The following KIAA0825 variants were observed in gnomAD, a reference collection of about 807,000 sequenced individuals.
KIAA0825 encodes the protein KIAA0825.
A neutral mutation model predicts 147.6 loss-of-function variants in KIAA0825; 119 were observed. The ratio of observed to expected loss-of-function variants is 0.81; its 90% CI spans 0.69 to 0.94. The LOEUF is 0.94. KIAA0825 is among the 40% of genes least tolerant of loss of function. The pLI is 0.00. For synonymous variants in KIAA0825, 470 were observed against 518.1 expected (o/e 0.91, Z 1.26); for missense variants, 1,381 against 1,472.7 (o/e 0.94, Z 1.02).
At chr5:94,264,443 C>T (rs1263459581) in intron 20 of KIAA0825, among the ~76,000 whole-genome samples, 1 of 152,108 alleles carries the variant, frequency 6.6e-6, no homozygotes, top group Non-Finnish European at 1.5e-5. Context: ...TTTTCTGCAT[C>T]GAAGTTAACT....
chr5:94,371,615 A>G (rs1746721018), intron 20 of KIAA0825, among the ~76,000 whole-genome samples: 1 of 152,160 alleles, frequency 6.6e-6, no homozygotes, highest in South Asian at 2.1e-4. Context: ...CTAGAACAGT[A>G]TGGGGGAAAC....
chr5:94,272,483 C>T (rs924549613), intron 20 of KIAA0825, among the ~76,000 whole-genome samples: 1 of 151,968 alleles, frequency 6.6e-6, no homozygotes, highest in African/African-American at 2.4e-5. Flanking sequence ...CTACTATGTA[C>T]CCACAAAAAT....
chr5:94,305,940 A>G (rs2150187172), intron 20 of KIAA0825, among the ~76,000 whole-genome samples: 1 of 152,028 alleles, frequency 6.6e-6, no homozygotes, highest in East Asian at 1.9e-4. Flanking sequence ...AATGAAAATT[A>G]TAGTACACTT....
At chr5:94,352,864 GAGCTA>G (rs1783835862) in intron 20 of KIAA0825, among the ~76,000 whole-genome samples, 1 of 151,906 alleles carries the variant, frequency 6.6e-6, no homozygotes, top group Non-Finnish European at 1.5e-5. Context: ...TGATATGTGG[GAGCTA>G]AGCTATGAGG....
At chr5:94,330,955 T>C (rs1021944771) in intron 20 of KIAA0825, among the ~76,000 whole-genome samples, 7 of 151,884 alleles carry the variant, frequency 4.6e-5, no homozygotes, top group African/African-American at 1.7e-4. Context: ...GCCAACATTG[T>C]GAAACCCCAT....
chr5:94,567,306 A>T (rs1778878699), intron 2 of KIAA0825, among the ~76,000 whole-genome samples: 2 of 152,194 alleles, frequency 1.3e-5, no homozygotes, highest in African/African-American at 4.8e-5. Context: ...GAATGCTTTG[A>T]CTAAATATTT....
intron 20 of KIAA0825, among the ~76,000 whole-genome samples, chr5:94,196,873 G>A (rs1465175700): frequency 1.3e-5 from 2 of 152,088 alleles, no homozygotes; most frequent in Non-Finnish European, 2.9e-5. Flanking sequence ...CATTGTTGAT[G>A]GCCACATAGA....
At chr5:94,559,358 C>G (rs1435059953) in intron 2 of KIAA0825, among the ~76,000 whole-genome samples, 1 of 152,140 alleles carries the variant, frequency 6.6e-6, no homozygotes, top group Non-Finnish European at 1.5e-5. Context: ...ATTAACTTCC[C>G]TCTTACGTTT....
At chr5:94,366,786 T>G (rs1745916020) in intron 20 of KIAA0825, among the ~76,000 whole-genome samples, 1 of 152,220 alleles carries the variant, frequency 6.6e-6, no homozygotes. Context: ...TTTTACTTCT[T>G]GCAGAAAGGG....
intron 1 of KIAA0825, among the ~76,000 whole-genome samples, chr5:94,608,919 T>C (rs1788166323): frequency 6.6e-6 from 1 of 152,100 alleles, no homozygotes; most frequent in African/African-American, 2.4e-5. Flanking sequence ...AAAATCAGCA[T>C]ACCTCAATGA....
At chr5:94,550,847 A>T (rs1033491046) in intron 2 of KIAA0825, among the ~76,000 whole-genome samples, 1 of 151,918 alleles carries the variant, frequency 6.6e-6, no homozygotes, top group Non-Finnish European at 1.5e-5. Context: ...ATGTCAAAAA[A>T]AAAAAAAAAA....
At chr5:94,494,691 A>C (rs1764150155) in intron 5 of KIAA0825, among the ~76,000 whole-genome samples, 1 of 152,146 alleles carries the variant, frequency 6.6e-6, no homozygotes, top group African/African-American at 2.4e-5. Flanking sequence ...AAATTTTGCA[A>C]GAGTTCAGTT....
intron 20 of KIAA0825, among the ~76,000 whole-genome samples, chr5:94,252,168 A>C (rs1402173818): frequency 2.6e-5 from 4 of 151,962 alleles, no homozygotes. Context: ...CTACACTCTT[A>C]GCACAATTAA....
intron 20 of KIAA0825, among the ~76,000 whole-genome samples, chr5:94,327,960 T>A (rs1780869206): frequency 6.6e-6 from 1 of 152,056 alleles, no homozygotes; most frequent in Admixed American, 6.5e-5. Context: ...GAGCCAAGAC[T>A]GCACCACTGC....
intron 20 of KIAA0825, among the ~76,000 whole-genome samples, chr5:94,238,109 C>CT (rs1417625129): frequency 6.6e-6 from 1 of 152,084 alleles, no homozygotes; most frequent in Non-Finnish European, 1.5e-5. Context: ...TGAAGGATTT[C>CT]TGGAAAAATA....
chr5:94,235,436 A>G (rs554394952), intron 20 of KIAA0825, among the ~76,000 whole-genome samples: 1 of 152,340 alleles, frequency 6.6e-6, no homozygotes, highest in African/African-American at 2.4e-5. Context: ...GGAAGTGTCA[A>G]AAGAAAAGTC....
chr5:94,347,679 AAAAG>A (rs1385682275), intron 20 of KIAA0825, among the ~76,000 whole-genome samples: 113 of 152,324 alleles, frequency 7.4e-4, no homozygotes, highest in African/African-American at 2.5e-3. Flanking sequence ...CCTTCCCTCT[AAAAG>A]AGCCTATCCA....
intron 5 of KIAA0825, among the ~76,000 whole-genome samples, chr5:94,488,113 G>C (rs13355036): frequency 1.3e-5 from 2 of 152,130 alleles, no homozygotes; most frequent in Non-Finnish European, 2.9e-5. Flanking sequence ...TAGTAGAGAC[G>C]GTATTTCTCC....
chr5:94,321,772 GT>G (rs1780221143), intron 20 of KIAA0825, among the ~76,000 whole-genome samples: 1 of 151,790 alleles, frequency 6.6e-6, no homozygotes, highest in Admixed American at 6.6e-5. Context: ...ACATCTTCTA[GT>G]TTTCTTCCAT....
Sources: allele counts gnomAD v4.1 joint callset (sites outside exome capture counted in the v4.1 genomes callset), GRCh38; gene constraint gnomAD v4.1.1; transcripts MANE v1.5; gene names NCBI Gene and HGNC (gene_info 2026-07-23, HGNC 2026-07-21).